Variants in SLCO1B3 observed in about 807,000 individuals in gnomAD.
The protein encoded by SLCO1B3 is liver-specific organic anion transporter 2.
SLCO1B3 carries 72 observed loss-of-function variants against 71.8 expected under a neutral mutation model. That is an observed-to-expected ratio of 1.00 (90% confidence interval 0.83 to 1.22). The LOEUF (loss-of-function observed/expected upper bound fraction) is 1.22. Among genes scored for constraint, SLCO1B3 ranks in the 50% most tolerant of loss-of-function variants. The pLI is 0.00. For missense variants in SLCO1B3, 911 were observed against 819.7 expected (o/e 1.11, Z -1.36); for synonymous variants, 298 against 278.4 (o/e 1.07, Z -0.70).
intron 7 of SLCO1B3, 62 bp from the exon 8 acceptor site, chr12:20,862,694 G>A: frequency 6.8e-7 from 1 of 1,475,090 alleles, no homozygotes. Flanking sequence ...ACTTTTAAAA[G>A]CATGTTAAAT....
intron 3 of SLCO1B3, among the ~76,000 whole-genome samples, chr12:20,824,181 A>G (rs909649249): frequency 3.3e-5 from 5 of 152,226 alleles, no homozygotes; most frequent in Non-Finnish European, 7.3e-5. Flanking sequence ...TTAAAGCTGT[A>G]AATAGCTTAA....
intron 3 of SLCO1B3, among the ~76,000 whole-genome samples, chr12:20,819,992 A>G (rs1311532930): frequency 1.3e-5 from 2 of 152,026 alleles, no homozygotes; most frequent in Non-Finnish European, 2.9e-5. Context: ...CTAATAAGGG[A>G]ACTGGGCAGG....
chr12:20,875,342 T>C lies in SLCO1B3; in HGVS notation c.835T>C (p.Leu279=). Residue 279 remains leucine, a synonymous_variant, in exon 9 of 16, where the codon TTG becomes CTG. Coordinates refer to ENST00000381545, the MANE Select transcript of SLCO1B3 (RefSeq NM_019844.4). ...SIISSIPFFF[L]PKNPNKPQKE... Reference sequence around the variant, plus strand: ...TATTTCTTCCATACCATTTTTTTTCTTGCCGAAAAATCCAAATAAACCACA... The same window carrying C: ...TATTTCTTCCATACCATTTTTTTTCCTGCCGAAAAATCCAAATAAACCACA... 6.2e-7 allele frequency: 1 copy of C among 1,613,458 alleles called. No homozygotes were observed. Among genetic ancestry groups the C allele is most frequent in the Non-Finnish European group, 8.5e-7 (1 of 1,179,684 alleles).
intron 15 of SLCO1B3, among the ~76,000 whole-genome samples, chr12:20,912,875 C>T (rs1334105578): frequency 1.1e-4 from 5 of 45,412 alleles, no homozygotes; most frequent in Non-Finnish European, 7.1e-4. Context: ...ATGTTGTTCA[C>T]CATGTTGATC....
chr12:20,875,403 T>C lies in SLCO1B3; in HGVS notation c.896T>C (p.Leu299Pro), dbSNP rs751260776. The C allele has an allele frequency of 6.2e-7, 1 of 1,608,320 alleles. No homozygotes were observed. The highest frequency in any genetic ancestry group is 1.1e-5 in the South Asian group (1 of 89,416). The stretch of plus-strand genomic sequence containing the variant: ...AAAATTTCACTATCATTGCATGTGC[T>C]GAAAACAAATGATGATAGAAATCAA... Reference protein sequence around the residue: ...ERKISLSLHVLKTNDDRNQTA... With the variant: ...ERKISLSLHVPKTNDDRNQTA... The change falls in exon 9 of 16, where the codon CTG becomes CCG. Residue 299 changes from leucine (L) to proline (P), a missense_variant. Coordinates refer to ENST00000381545, the MANE Select transcript of SLCO1B3 (RefSeq NM_019844.4).
intron 8 of SLCO1B3, among the ~76,000 whole-genome samples, chr12:20,872,273 A>G (rs1399927235): frequency 6.6e-6 from 1 of 151,238 alleles, no homozygotes; most frequent in Non-Finnish European, 1.5e-5. Flanking sequence ...TCAGAGACTC[A>G]TCCTTCAGGG....
chr12:20,913,529 G>A (rs1052332557), intron 15 of SLCO1B3, among the ~76,000 whole-genome samples: 3 of 151,978 alleles, frequency 2.0e-5, no homozygotes, highest in African/African-American at 7.2e-5. Context: ...TGATTTCTTT[G>A]TTATTATGTA....
chr12:20,829,244 A>G (rs895441478), intron 3 of SLCO1B3, among the ~76,000 whole-genome samples: 1 of 152,232 alleles, frequency 6.6e-6, no homozygotes, highest in Admixed American at 6.5e-5. Flanking sequence ...TGCTAATCTT[A>G]ACTTTTAGTA....
chr12:20,904,253 T>A (rs953871478), intron 15 of SLCO1B3, among the ~76,000 whole-genome samples: 7 of 122,454 alleles, frequency 5.7e-5, no homozygotes, highest in Non-Finnish European at 8.9e-5. Context: ...AAAAAAAAAA[T>A]TAGTTACTTC....
At chr12:20,889,246 A>AT (rs1865854423) in intron 13 of SLCO1B3, among the ~76,000 whole-genome samples, 1 of 151,682 alleles carries the variant, frequency 6.6e-6, no homozygotes, top group Non-Finnish European at 1.5e-5. Flanking sequence ...TTCCCCCTTG[A>AT]TTTTTTGGAA....
At chr12:20,907,086 T>A (rs986746651) in intron 15 of SLCO1B3, among the ~76,000 whole-genome samples, 1 of 152,142 alleles carries the variant, frequency 6.6e-6, no homozygotes, top group Non-Finnish European at 1.5e-5. Context: ...TATATTCACA[T>A]ATATATTATG....
chr12:20,892,707 AAG>A (rs749309149), intron 13 of SLCO1B3, among the ~76,000 whole-genome samples: 30 of 152,320 alleles, frequency 2.0e-4, no homozygotes, highest in Non-Finnish European at 4.1e-4. Context: ...GAAGAAAAGA[AAG>A]AGTCTTTGGA....
intron 13 of SLCO1B3, among the ~76,000 whole-genome samples, chr12:20,884,132 T>C (rs1029517457): frequency 3.3e-5 from 5 of 152,170 alleles, no homozygotes; most frequent in Non-Finnish European, 7.4e-5. Context: ...TTTTCACTTA[T>C]TAGACAGTTA....
chr12:20,900,391 G>C (rs1235731174), intron 14 of SLCO1B3, among the ~76,000 whole-genome samples: 2 of 152,108 alleles, frequency 1.3e-5, no homozygotes, highest in African/African-American at 4.8e-5. Context: ...GTAAAATCTT[G>C]TATGCTTCAG....
intron 13 of SLCO1B3, among the ~76,000 whole-genome samples, chr12:20,895,780 G>A (rs1206269321): frequency 6.6e-6 from 1 of 152,174 alleles, no homozygotes; most frequent in Admixed American, 6.5e-5. Flanking sequence ...TGATGGCTTT[G>A]ACCTGACATT....
At chr12:20,882,357 T>C (rs1284162065) in intron 12 of SLCO1B3, among the ~76,000 whole-genome samples, 2 of 152,104 alleles carry the variant, frequency 1.3e-5, no homozygotes, top group South Asian at 2.1e-4. Flanking sequence ...TGAAAAAAAA[T>C]AAAAGGAAAA....
Position 20,881,015 on chromosome 12 carries a change from C to CTA in SLCO1B3, c.1492_1493insTA (p.His498LeufsTer13). 1 of 1,600,286 alleles carries CTA rather than the reference C, an allele frequency of 6.2e-7. No homozygotes were observed. ...CAAATCCTCAAGTGGTATTAAAAAG[C>CTA]ATACAGTGAGTATTAGTTTTCACTT... On this transcript the variant is annotated frameshift_variant, in exon 12 of 16. Transcript: ENST00000381545. LOFTEE classifies it high-confidence loss of function.
chr12:20,822,883 T>C (rs1864345700), intron 3 of SLCO1B3, among the ~76,000 whole-genome samples: 1 of 152,186 alleles, frequency 6.6e-6, no homozygotes, highest in African/African-American at 2.4e-5. Flanking sequence ...AAGTTTTTAT[T>C]TTCCTTTCAT....
intron 8 of SLCO1B3, among the ~76,000 whole-genome samples, chr12:20,868,219 A>G (rs1205663522): frequency 6.6e-6 from 1 of 152,090 alleles, no homozygotes; most frequent in African/African-American, 2.4e-5. Flanking sequence ...CCTTCATAAT[A>G]AAAGCCCTCA....
Sources: gnomAD v4.1 joint callset for allele counts (sites outside exome capture counted in the v4.1 genomes callset) on GRCh38, gnomAD v4.1.1 for gene constraint, MANE v1.5 for transcripts, NCBI Gene and HGNC (gene_info 2026-07-23, HGNC 2026-07-21) for gene names.